Variants in ARSB observed in about 807,000 individuals in gnomAD.
ARSB encodes arylsulfatase B.
In ARSB, 41 loss-of-function variants were observed where a neutral mutation model predicts 50.9. That is an observed-to-expected ratio of 0.81 (90% CI 0.63 to 1.04). ARSB has a LOEUF of 1.04. ARSB is among the 50% of genes least tolerant of loss of function. The pLI, the probability that ARSB is intolerant of heterozygous loss-of-function variation, is 0.00. For missense variants in ARSB, 672 were observed against 693.3 expected (o/e 0.97, Z 0.35); for synonymous variants, 269 against 284.8 (o/e 0.94, Z 0.56).
At chr5:78,900,523 G>A (rs1219579674) in intron 4 of ARSB, among the ~76,000 whole-genome samples, 4 of 152,222 alleles carry the variant, frequency 2.6e-5, no homozygotes, top group South Asian at 2.1e-4. Context: ...ACTCGCAGAC[G>A]TGGAAATCTG....
intron 7 of ARSB, 91 bp from the exon 8 acceptor site, chr5:78,780,753 G>A (rs1748903394): frequency 1.3e-6 from 2 of 1,485,324 alleles, no homozygotes; most frequent in East Asian, 4.6e-5. Flanking sequence ...GGCTGCACTG[G>A]GTTGTGGGTG....
chr5:78,847,669 C>T (rs1367666018), intron 5 of ARSB, among the ~76,000 whole-genome samples: 2 of 152,160 alleles, frequency 1.3e-5, no homozygotes, highest in South Asian at 2.1e-4. Flanking sequence ...TTGTAGAATT[C>T]TGCAATGAGG....
intron 6 of ARSB, among the ~76,000 whole-genome samples, chr5:78,834,135 C>T (rs1744821445): frequency 1.3e-5 from 2 of 152,092 alleles, no homozygotes; most frequent in South Asian, 2.1e-4. Context: ...TTCTGTGCTA[C>T]GGAGACCTTA....
intron 1 of ARSB, among the ~76,000 whole-genome samples, chr5:78,984,166 G>A (rs1462290416): frequency 6.6e-6 from 1 of 152,180 alleles, no homozygotes; most frequent in Non-Finnish European, 1.5e-5. Flanking sequence ...TGCCTCGTCT[G>A]TAAAACGGGG....
At chr5:78,853,041 C>T (rs1052147867) in intron 5 of ARSB, among the ~76,000 whole-genome samples, 2 of 152,188 alleles carry the variant, frequency 1.3e-5, no homozygotes, top group East Asian at 1.9e-4. Context: ...TAGTCTGAAG[C>T]CTTCTTTTCT....
intron 6 of ARSB, among the ~76,000 whole-genome samples, chr5:78,786,101 C>T (rs966892889): frequency 1.3e-5 from 2 of 152,038 alleles, no homozygotes; most frequent in Middle Eastern, 3.2e-3. Context: ...TATTTTAGAA[C>T]ATTTTTATCA....
intron 4 of ARSB, among the ~76,000 whole-genome samples, chr5:78,925,722 TG>T (rs1446912874): frequency 6.6e-6 from 1 of 152,146 alleles, no homozygotes; most frequent in Admixed American, 6.5e-5. Flanking sequence ...GCACCTGAAA[TG>T]GAAAGTAAAA....
chr5:78,826,618 T>A (rs1744443463), intron 6 of ARSB, among the ~76,000 whole-genome samples: 1 of 152,208 alleles, frequency 6.6e-6, no homozygotes, highest in African/African-American at 2.4e-5. Context: ...TCTTTATTGC[T>A]CTCCATGTGA....
chr5:78,847,672 C>A (rs1301536652), intron 5 of ARSB, among the ~76,000 whole-genome samples: 1 of 152,268 alleles, frequency 6.6e-6, no homozygotes, highest in African/African-American at 2.4e-5. Context: ...TAGAATTCTG[C>A]AATGAGGTCA....
At chr5:78,972,539 A>C (rs1752498556) in intron 1 of ARSB, among the ~76,000 whole-genome samples, 2 of 151,686 alleles carry the variant, frequency 1.3e-5, no homozygotes, top group African/African-American at 4.9e-5. Flanking sequence ...ACACACACAC[A>C]CACACCCCAA....
chr5:78,967,809 T>C (rs78491936), intron 2 of ARSB, among the ~76,000 whole-genome samples: 1,590 of 152,342 alleles, frequency 0.01, 22 homozygotes, highest in African/African-American at 0.031. Context: ...TAATCCTGTT[T>C]AAACTTTCTA....
At chr5:78,834,517 A>G (rs1744845333) in intron 6 of ARSB, among the ~76,000 whole-genome samples, 1 of 150,060 alleles carries the variant, frequency 6.7e-6, no homozygotes, top group South Asian at 2.1e-4. Context: ...CTTGCTTAGC[A>G]TAATGTCTTT....
chr5:78,779,893 T>G lies in ARSB; in HGVS notation c.*504A>C. 5.5e-6 allele frequency: 1 copy of G among 183,260 alleles called. No individual in the cohort carries two copies. Among genetic ancestry groups the G allele is most frequent in the Non-Finnish European group, 1.1e-5 (1 of 87,136 alleles). The allele number at this position is 183,260 out of a possible 1,614,324, so 11.4% of individuals were successfully genotyped here. On this transcript the variant is annotated 3_prime_UTR_variant, in exon 8 of 8. Transcript: ENST00000264914. Reference sequence around the variant, plus strand: ...TGTGATGAGATAAGTGAGTAAGGGGTGAACCAAGAGGGGTGGTTCACTTGG... The same window carrying G: ...TGTGATGAGATAAGTGAGTAAGGGGGGAACCAAGAGGGGTGGTTCACTTGG...
intron 6 of ARSB, among the ~76,000 whole-genome samples, chr5:78,820,971 T>C (rs3857404): frequency 0.67 from 101,278 of 150,720 alleles, 34,636 homozygotes; most frequent in African/African-American, 0.79. Context: ...TTATATGATA[T>C]TATCTATGTA....
At chr5:78,906,066 TAAGA>T (rs1749052445) in intron 4 of ARSB, among the ~76,000 whole-genome samples, 1 of 151,160 alleles carries the variant, frequency 6.6e-6, no homozygotes, top group Non-Finnish European at 1.5e-5. Context: ...GGGGTAGAGT[TAAGA>T]AAGAAAAGGG....
chr5:78,866,127 G>GT (rs1305192260), intron 5 of ARSB, among the ~76,000 whole-genome samples: 1 of 152,088 alleles, frequency 6.6e-6, no homozygotes, highest in Non-Finnish European at 1.5e-5. Context: ...GTATTACTCT[G>GT]TTTTCATGCT....
At chr5:78,816,137 T>C in intron 6 of ARSB, 4 of 1,614,118 alleles carry the variant, frequency 2.5e-6, no homozygotes, top group Non-Finnish European at 3.4e-6. Flanking sequence ...CAAAATGACT[T>C]TCCTGAAGAT....
intron 4 of ARSB, among the ~76,000 whole-genome samples, chr5:78,936,227 C>A (rs1270592282): frequency 1.3e-5 from 2 of 148,196 alleles, no homozygotes. Flanking sequence ...CGGGTTCAAG[C>A]GATTCTCCTG....
At chr5:78,879,182 T>C (rs1006311533) in intron 5 of ARSB, among the ~76,000 whole-genome samples, 1 of 152,248 alleles carries the variant, frequency 6.6e-6, no homozygotes, top group African/African-American at 2.4e-5. Context: ...TTTAATTAAA[T>C]ATAAAATAAT....
Sources: gnomAD v4.1 joint callset for allele counts (sites outside exome capture counted in the v4.1 genomes callset) on GRCh38, gnomAD v4.1.1 for gene constraint, MANE v1.5 for transcripts, NCBI Gene and HGNC (gene_info 2026-07-23, HGNC 2026-07-21) for gene names.